ITSN1: variants seen among roughly 807,000 people sequenced by gnomAD.
ITSN1 encodes intersectin 1.
In ITSN1, 58 loss-of-function variants were observed where a neutral mutation model predicts 239.8. That is an observed-to-expected ratio of 0.24 (90% CI 0.20 to 0.30). The LOEUF is 0.30. Ranked by LOEUF, ITSN1 falls within the 10% of genes least tolerant of loss-of-function variation. The pLI is 1.00. For missense variants in ITSN1, 1,558 were observed against 2,103.3 expected (o/e 0.74, Z 5.07); for synonymous variants, 780 against 770.8 (o/e 1.01, Z -0.20).
intron 16 of ITSN1, 76 bp from the exon 17 acceptor site, chr21:33,794,265 A>C: frequency 1.2e-5 from 14 of 1,125,948 alleles, no homozygotes; most frequent in Non-Finnish European, 1.8e-5. Context: ...CCCACTATGA[A>C]ATGTTGCATG....
chr21:33,696,736 T>C (rs193278106), intron 1 of ITSN1, among the ~76,000 whole-genome samples: 6 of 152,240 alleles, frequency 3.9e-5, no homozygotes, highest in Admixed American at 2.0e-4. Context: ...GGTGTTATGG[T>C]GTTATTTTAC....
At chr21:33,869,975 AT>A (rs1168271531) in intron 33 of ITSN1, among the ~76,000 whole-genome samples, 1 of 151,836 alleles carries the variant, frequency 6.6e-6, no homozygotes, top group Admixed American at 6.6e-5. Context: ...ATACTGCAGA[AT>A]TTTTTCCAGC....
chr21:33,695,800 AG>A (rs2091768895), intron 1 of ITSN1, among the ~76,000 whole-genome samples: 3 of 152,254 alleles, frequency 2.0e-5, no homozygotes, highest in African/African-American at 4.8e-5. Flanking sequence ...TGGTGCAGCC[AG>A]ATCCATGTAA....
rs1339365672 is a variant in ITSN1, at chr21:33,894,308, G to T, written c.*6008G>T. 1 of 152,160 alleles carries T rather than the reference G, an allele frequency of 6.6e-6. No individual in the cohort carries two copies. The highest frequency in any genetic ancestry group is 1.5e-5 in the Non-Finnish European group (1 of 68,030). The allele number at this position is 152,160 out of a possible 1,614,324, so 9.4% of individuals were successfully genotyped here. On this transcript the variant is annotated 3_prime_UTR_variant, in exon 40 of 40. Transcript: ENST00000381318. The stretch of plus-strand genomic sequence containing the variant: ...GGAACCCTCTTTACCCTGGCCCTGG[G>T]GGAGCCATATTACACCCACATCATA...
At chr21:33,855,145 A>G (rs1234700577) in intron 29 of ITSN1, among the ~76,000 whole-genome samples, 1 of 152,062 alleles carries the variant, frequency 6.6e-6, no homozygotes, top group African/African-American at 2.4e-5. Context: ...ACCCCAGATA[A>G]CTCCCTTGAG....
chr21:33,868,834 G>C lies in ITSN1; in HGVS notation c.4173+1503G>C, dbSNP rs571966200. 1.2e-3 allele frequency among the ~76,000 whole-genome samples: 190 copies of C among 152,312 alleles called. 11 individuals carry two copies. The highest frequency in any genetic ancestry group is 5.0e-4 in the Non-Finnish European group (34 of 68,018). The stretch of plus-strand genomic sequence containing the variant: ...TGGGAGCCCAGGCAGAGGAGGCACC[G>C]AGAGCGAGCGAGGGCTGTGAGGACT... On this transcript the variant is annotated intron_variant, in intron 33 of 39. Coordinates refer to ENST00000381318, the MANE Select transcript of ITSN1 (RefSeq NM_003024.3).
At chr21:33,703,484 C>G (rs999484641) in intron 1 of ITSN1, among the ~76,000 whole-genome samples, 9 of 152,136 alleles carry the variant, frequency 5.9e-5, no homozygotes, top group Non-Finnish European at 1.0e-4. Context: ...AATACTTAGT[C>G]TCTATGTTTT....
intron 33 of ITSN1, among the ~76,000 whole-genome samples, chr21:33,868,833 C>T (rs879693695): frequency 2.0e-5 from 3 of 152,306 alleles, no homozygotes; most frequent in Non-Finnish European, 2.9e-5. Flanking sequence ...GAGGAGGCAC[C>T]GAGAGCGAGC....
chr21:33,681,999 A>G (rs897745989), intron 1 of ITSN1, among the ~76,000 whole-genome samples: 1 of 151,392 alleles, frequency 6.6e-6, no homozygotes, highest in Non-Finnish European at 1.5e-5. Context: ...AGTTCCTACA[A>G]TAGCTCCTTT....
intron 4 of ITSN1, among the ~76,000 whole-genome samples, chr21:33,723,246 A>T (rs1601842790): frequency 6.6e-6 from 1 of 151,924 alleles, no homozygotes; most frequent in African/African-American, 2.4e-5. Context: ...AAGATGTCTC[A>T]TTTTTTTCAC....
intron 29 of ITSN1, chr21:33,837,593 A>G (rs901103963): frequency 4.1e-6 from 4 of 985,818 alleles, no homozygotes; most frequent in South Asian, 4.7e-5. Flanking sequence ...AATGAGCCCA[A>G]TTAAAGCGAA....
chr21:33,774,650 C>G, intron 12 of ITSN1, 79 bp from the exon 13 acceptor site: 1 of 1,370,150 alleles, frequency 7.3e-7, no homozygotes, highest in Non-Finnish European at 1.0e-6. Flanking sequence ...GAAAGACTTC[C>G]TAGATGCCAT....
rs185006122 is a variant in ITSN1 at position 33,673,347 on chromosome 21, G to T, written c.-33+30634G>T. ...TAGCATGATGACTCTGGCTAATATTGTATTGGAAAATTTGCTGAGAGTAGA... is the reference window on the plus strand; with the variant it reads ...TAGCATGATGACTCTGGCTAATATTTTATTGGAAAATTTGCTGAGAGTAGA... On this transcript the variant is annotated intron_variant, in intron 1 of 39. Coordinates refer to ENST00000381318, the MANE Select transcript of ITSN1 (RefSeq NM_003024.3). Among the ~76,000 whole-genome samples the T allele has an allele frequency of 1.3e-3, 196 of 152,228 alleles. 1 individual carries two copies. The highest frequency in any genetic ancestry group is 4.4e-3 in the African/African-American group (183 of 41,560).
intron 1 of ITSN1, among the ~76,000 whole-genome samples, chr21:33,691,210 C>T (rs1485672121): frequency 2.0e-5 from 3 of 152,004 alleles, no homozygotes; most frequent in Admixed American, 6.6e-5. Context: ...TGGACCTTTA[C>T]GTTTGTCGCA....
chr21:33,651,554 A>G (rs192883534), intron 1 of ITSN1, among the ~76,000 whole-genome samples: 37 of 152,366 alleles, frequency 2.4e-4, no homozygotes, highest in Admixed American at 5.9e-4. Flanking sequence ...AATTATTACT[A>G]TTGATCAAAT....
At chr21:33,649,888 C>G (rs1302324974) in intron 1 of ITSN1, among the ~76,000 whole-genome samples, 2 of 151,856 alleles carry the variant, frequency 1.3e-5, no homozygotes, top group African/African-American at 2.4e-5. Context: ...TGGTGGCGCA[C>G]AAGTGTAATC....
chr21:33,720,120 A>G (rs2065396331), intron 2 of ITSN1, among the ~76,000 whole-genome samples: 1 of 152,206 alleles, frequency 6.6e-6, no homozygotes, highest in Non-Finnish European at 1.5e-5. Context: ...CTGACAGGGC[A>G]GTGAAAATTT....
intron 33 of ITSN1, among the ~76,000 whole-genome samples, chr21:33,873,599 G>T (rs893917534): frequency 6.6e-6 from 1 of 152,236 alleles, no homozygotes; most frequent in African/African-American, 2.4e-5. Flanking sequence ...GGCCAGGCGT[G>T]GTGGCTCACG....
rs367568401 is a variant in ITSN1 at position 33,894,880 on chromosome 21, G to A, written c.*6580G>A. The A allele has an allele frequency of 4.9e-3, 751 of 152,412 alleles. 1 individual carries two copies. The highest frequency in any genetic ancestry group is 8.4e-3 in the Non-Finnish European group (569 of 68,080). 9.4% of individuals were successfully genotyped at this position (152,412 alleles called of 1,614,324 possible). ...ATTCTGTGCACTGTCACCGGCGGGG[G>A]TGGAGGGTCTCCCTGTAGGAGGAGG... On this transcript the variant is annotated 3_prime_UTR_variant, in exon 40 of 40. Coordinates refer to ENST00000381318, the MANE Select transcript of ITSN1 (RefSeq NM_003024.3).
Sources: allele counts gnomAD v4.1 joint callset (sites outside exome capture counted in the v4.1 genomes callset), GRCh38; gene constraint gnomAD v4.1.1; transcripts MANE v1.5; gene names NCBI Gene and HGNC (gene_info 2026-07-23, HGNC 2026-07-21).